FOXP2: variants seen among roughly 807,000 people sequenced by gnomAD.
FOXP2 encodes the protein forkhead box P2.
In FOXP2, 12 loss-of-function variants were observed where a neutral mutation model predicts 115.8. The ratio of observed to expected loss-of-function variants is 0.10; its 90% CI spans 0.07 to 0.17. The LOEUF (loss-of-function observed/expected upper bound fraction) is 0.17, where lower values mean the gene tolerates loss of function less well. FOXP2 is among the 10% of genes least tolerant of loss of function. The probability of loss-of-function intolerance (pLI) is 1.00; values close to 1 mark genes in which losing one functional copy is unlikely to be tolerated. For missense variants in FOXP2, 629 were observed against 843.5 expected (o/e 0.75, Z 3.15); for synonymous variants, 328 against 297.7 (o/e 1.10, Z -1.05).
intron 6 of FOXP2, among the ~76,000 whole-genome samples, chr7:114,641,552 G>A (rs1805528001): frequency 6.6e-6 from 1 of 151,980 alleles, no homozygotes; most frequent in South Asian, 2.1e-4. Context: ...TCATCCCTCT[G>A]AGAAATATCA....
At chr7:114,472,111 G>A (rs1049493663) in intron 2 of FOXP2, among the ~76,000 whole-genome samples, 1 of 152,144 alleles carries the variant, frequency 6.6e-6, no homozygotes, top group South Asian at 2.1e-4. Flanking sequence ...GATATGACTA[G>A]CTGAAAGGGT....
chr7:114,644,581 C>G (rs754902556), intron 7 of FOXP2, 104 bp from the exon 8 acceptor site: 3 of 886,158 alleles, frequency 3.4e-6, no homozygotes, highest in Non-Finnish European at 5.6e-6. Flanking sequence ...CTGAATTGAC[C>G]TGTTTTGACC....
At chr7:114,445,405 T>A (rs1430202573) in intron 2 of FOXP2, among the ~76,000 whole-genome samples, 6 of 152,184 alleles carry the variant, frequency 3.9e-5, no homozygotes, top group Admixed American at 1.3e-4. Flanking sequence ...CCCTCAACAG[T>A]ATGTAACTTA....
intron 2 of FOXP2, among the ~76,000 whole-genome samples, chr7:114,318,500 C>G (rs1478027409): frequency 6.7e-6 from 1 of 148,716 alleles, no homozygotes; most frequent in Non-Finnish European, 1.5e-5. Flanking sequence ...GTGAACAAAA[C>G]AAAATCCTCA....
chr7:114,385,562 A>G (rs1002275547), intron 2 of FOXP2, among the ~76,000 whole-genome samples: 2 of 152,064 alleles, frequency 1.3e-5, no homozygotes, highest in African/African-American at 2.4e-5. Context: ...AGGCAGACAA[A>G]CGTCCGCAGT....
intron 2 of FOXP2, among the ~76,000 whole-genome samples, chr7:114,343,369 A>G (rs1562879091): frequency 6.6e-6 from 1 of 151,618 alleles, no homozygotes; most frequent in African/African-American, 2.4e-5. Context: ...TTTACTGGCT[A>G]CATTGCTGCT....
intron 2 of FOXP2, among the ~76,000 whole-genome samples, chr7:114,308,372 G>C (rs1797067423): frequency 6.6e-6 from 1 of 152,038 alleles, no homozygotes; most frequent in Non-Finnish European, 1.5e-5. Flanking sequence ...AACTCCCTAG[G>C]TCTCCTCGTA....
rs369332336 is a variant in FOXP2, at chr7:114,090,139, G to A, written c.-247+2301G>A. On this transcript the variant is annotated intron_variant, in intron 1 of 19. Coordinates refer to the FOXP2 transcript ENST00000635638. ...TAGAAAACAAAATGATGAACGTCATGTATTTTCTGCCTCTCTGAATTAAAT... is the reference window on the plus strand; with the variant it reads ...TAGAAAACAAAATGATGAACGTCATATATTTTCTGCCTCTCTGAATTAAAT... Among the ~76,000 whole-genome samples, 26 of 152,024 alleles carry A rather than the reference G, an allele frequency of 1.7e-4. No homozygotes were observed. The South Asian group carries it at 5.2e-3, about 30-fold the overall frequency.
intron 1 of FOXP2, among the ~76,000 whole-genome samples, chr7:114,219,997 G>T (rs913241206): frequency 6.6e-6 from 1 of 151,658 alleles, no homozygotes; most frequent in Non-Finnish European, 1.5e-5. Flanking sequence ...CTCCTGAGTA[G>T]CTGGGACTAC....
At chr7:114,429,101 T>C (rs758145813) in intron 2 of FOXP2, among the ~76,000 whole-genome samples, 3 of 151,536 alleles carry the variant, frequency 2.0e-5, no homozygotes, top group Non-Finnish European at 4.4e-5. Flanking sequence ...TTTTTATGGC[T>C]TTTGTACTTT....
chr7:114,269,309 A>G (rs1795978086), intron 1 of FOXP2, among the ~76,000 whole-genome samples: 1 of 152,224 alleles, frequency 6.6e-6, no homozygotes, highest in African/African-American at 2.4e-5. Flanking sequence ...AATGCCTTAA[A>G]CATGGAAGTA....
At chr7:114,189,515 T>C (rs979058700) in intron 1 of FOXP2, among the ~76,000 whole-genome samples, 1 of 152,176 alleles carries the variant, frequency 6.6e-6, no homozygotes, top group Non-Finnish European at 1.5e-5. Flanking sequence ...TTAGTAGAGT[T>C]GGAGAAAGAC....
At chr7:114,664,866 C>A in intron 16 of FOXP2, 2 of 191,882 alleles carry the variant, frequency 1.0e-5, no homozygotes, top group Non-Finnish European at 2.2e-5. Flanking sequence ...TTTTATAAAC[C>A]GTAAAATGCA....
intron 2 of FOXP2, among the ~76,000 whole-genome samples, chr7:114,358,668 A>G (rs766143014): frequency 2.0e-5 from 3 of 152,200 alleles, no homozygotes; most frequent in Non-Finnish European, 4.4e-5. Flanking sequence ...ATGCTTTAGC[A>G]AAGAGACTGG....
intron 6 of FOXP2, 109 bp downstream of exon 6, chr7:114,631,814 T>A (rs1302575631): frequency 8.9e-7 from 1 of 1,125,792 alleles, no homozygotes; most frequent in Non-Finnish European, 1.3e-6. Context: ...ACTTTCAAAT[T>A]TATTATTAAA....
intron 2 of FOXP2, among the ~76,000 whole-genome samples, chr7:114,440,766 A>G (rs1427185055): frequency 6.6e-6 from 1 of 152,202 alleles, no homozygotes; most frequent in Non-Finnish European, 1.5e-5. Flanking sequence ...TATTCTACAG[A>G]GACTAAGCTT....
At chr7:114,155,400 C>G (rs1362511557) in intron 1 of FOXP2, among the ~76,000 whole-genome samples, 1 of 152,102 alleles carries the variant, frequency 6.6e-6, no homozygotes, top group Non-Finnish European at 1.5e-5. Flanking sequence ...CAACGTGACT[C>G]TAGTATAGCA....
chr7:114,133,950 T>C (rs1042939784), intron 1 of FOXP2, among the ~76,000 whole-genome samples: 3 of 152,126 alleles, frequency 2.0e-5, no homozygotes, highest in Non-Finnish European at 4.4e-5. Flanking sequence ...AATCTTTAAA[T>C]GACCCAGTCC....
intron 8 of FOXP2, among the ~76,000 whole-genome samples, chr7:114,648,432 C>T (rs1806043000): frequency 6.6e-6 from 1 of 152,064 alleles, no homozygotes; most frequent in South Asian, 2.1e-4. Flanking sequence ...TTAAAACAGT[C>T]TTTGACATAC....
Sources: allele counts gnomAD v4.1 joint callset (sites outside exome capture counted in the v4.1 genomes callset), GRCh38; gene constraint gnomAD v4.1.1; transcripts MANE v1.5; gene names NCBI Gene and HGNC (gene_info 2026-07-23, HGNC 2026-07-21).